The following DIS3L2 variants were observed in gnomAD, a reference collection of about 807,000 sequenced individuals.
The protein encoded by DIS3L2 is DIS3 like 3'-5' exoribonuclease 2, also known as DIS3-like exonuclease 2.
In DIS3L2, 34 loss-of-function variants were observed where a neutral mutation model predicts 97.5. The observed-to-expected ratio is 0.35, with a 90% CI of 0.27 to 0.46. The LOEUF is 0.46. Among genes scored for constraint, DIS3L2 ranks in the 20% least tolerant of loss-of-function variants. The pLI, the probability that DIS3L2 is intolerant of heterozygous loss-of-function variation, is 1.00. For missense variants in DIS3L2, 1,038 were observed against 1,146.0 expected (o/e 0.91, Z 1.36); for synonymous variants, 435 against 445.2 (o/e 0.98, Z 0.29).
downstream of DIS3L2, among the ~76,000 whole-genome samples, chr2:232,339,492 G>A (rs1318611491): frequency 6.6e-6 from 1 of 152,248 alleles, no homozygotes; most frequent in African/African-American, 2.4e-5. Flanking sequence ...CGAAAGTCAC[G>A]GGTGGGGATG....
At chr2:232,217,879 A>G (rs6720849) in intron 10 of DIS3L2, among the ~76,000 whole-genome samples, 2,077 of 152,266 alleles carry the variant, frequency 0.014, 52 homozygotes, top group African/African-American at 0.048. Context: ...TGAAGCATGG[A>G]CACCCATGTA....
Position 232,329,794 on chromosome 2 carries a change from T to TTCCCCCCC in DIS3L2, c.1740-19_1740-18insTCCCCCCC. 2 of 161,350 alleles carry TTCCCCCCC rather than the reference T, an allele frequency of 1.2e-5. No individual in the cohort carries two copies. The highest frequency in any genetic ancestry group is 1.6e-4 in the East Asian group (1 of 6,344). The allele number at this position is 161,350 out of a possible 1,614,324, so 10.0% of individuals were successfully genotyped here. A position where few individuals can be genotyped will look rare whatever the true frequency, so the allele number is the denominator to read the frequency against. ...CCCCAAACCCCAGCGGTCCCTCCCA[T>TTCCCCCCC]CCCACCCACCCTCTGCAGGCTCGTG... On this transcript the variant is annotated intron_variant, in intron 14 of 20. Transcript: ENST00000325385.
intron 13 of DIS3L2, among the ~76,000 whole-genome samples, chr2:232,297,301 C>T (rs1420433054): frequency 1.3e-5 from 2 of 152,240 alleles, no homozygotes; most frequent in African/African-American, 2.4e-5. Context: ...GTGCAGCCTG[C>T]CTTGCCAGCT....
intron 1 of DIS3L2, among the ~76,000 whole-genome samples, chr2:231,970,523 T>C (rs1197539126): frequency 1.3e-5 from 2 of 152,198 alleles, no homozygotes; most frequent in Non-Finnish European, 2.9e-5. Flanking sequence ...TTTATGTATC[T>C]AGATGTATCT....
chr2:232,332,727 G>A (rs931099754), intron 16 of DIS3L2, among the ~76,000 whole-genome samples: 21 of 152,190 alleles, frequency 1.4e-4, no homozygotes, highest in African/African-American at 2.4e-4. Context: ...TGTCAGAGAC[G>A]AGAAGGGCCG....
intron 1 of DIS3L2, among the ~76,000 whole-genome samples, chr2:231,970,869 C>CT (rs1350848582): frequency 1.3e-5 from 2 of 152,124 alleles, no homozygotes; most frequent in Non-Finnish European, 2.9e-5. Context: ...AACACAAACA[C>CT]ATTGTACAGC....
At chr2:232,326,467 C>T (rs1359154376) in intron 14 of DIS3L2, among the ~76,000 whole-genome samples, 6 of 152,186 alleles carry the variant, frequency 3.9e-5, no homozygotes, top group Non-Finnish European at 7.3e-5. Context: ...AGGGTGCCAC[C>T]GCCAGAGCCA....
intron 1 of DIS3L2, among the ~76,000 whole-genome samples, chr2:231,992,843 T>C (rs1693620895): frequency 6.6e-6 from 1 of 151,258 alleles, no homozygotes; most frequent in African/African-American, 2.5e-5. Flanking sequence ...AGTTTTCTCT[T>C]ATATCTCCCT....
At chr2:232,305,227 C>G (rs1694957556) in intron 14 of DIS3L2, among the ~76,000 whole-genome samples, 1 of 152,080 alleles carries the variant, frequency 6.6e-6, no homozygotes, top group African/African-American at 2.4e-5. Context: ...AGGCGCGCAC[C>G]ACCACGCAGG....
Position 232,318,426 on chromosome 2 carries a change from C to T in DIS3L2, c.1740-11387C>T, listed in dbSNP as rs563197259. On this transcript the variant is annotated intron_variant, in intron 14 of 20. Transcript: ENST00000325385. ...TGCTTGTCCAGCAAACATTATTGGA[C>T]GCCTATTAGTGCCAGGTACTGCACT... Among the ~76,000 whole-genome samples the T allele has an allele frequency of 5.9e-5, 9 of 152,328 alleles. No homozygotes were observed. In the East Asian group the frequency reaches 7.7e-4, roughly 13 times the overall value.
intron 11 of DIS3L2, among the ~76,000 whole-genome samples, 173 bp from the exon 12 acceptor site, chr2:232,249,066 C>T (rs1050734508): frequency 2.0e-5 from 3 of 152,200 alleles, no homozygotes; most frequent in Non-Finnish European, 4.4e-5. Flanking sequence ...ACTCTAGAGG[C>T]GCATGGAAAA....
In DIS3L2 at chr2:232,056,187, A is replaced by G. The variant is rs557818102; in HGVS notation, c.366+26107A>G. On this transcript the variant is annotated intron_variant, in intron 5 of 20. Transcript: ENST00000325385. ...GGAGTTGGAGACCAGCCTGGCCAAC[A>G]TGGTGAAACCCCGTTTCTACTAAAA... is the stretch of plus-strand genomic sequence containing the variant. Among the ~76,000 whole-genome samples the G allele has an allele frequency of 5.9e-5, 9 of 152,192 alleles. No individual in the cohort carries two copies. The South Asian group carries it at 1.9e-3, about 32-fold the overall frequency.
intron 14 of DIS3L2, among the ~76,000 whole-genome samples, chr2:232,312,326 A>G (rs1472665556): frequency 6.6e-6 from 1 of 152,216 alleles, no homozygotes; most frequent in Non-Finnish European, 1.5e-5. Context: ...TTATTTTTTC[A>G]TATGGGTATC....
Position 232,336,114 on chromosome 2 carries a change from G to A in DIS3L2, c.2496+240G>A, listed in dbSNP as rs200261050. ...AGAGAGGAGGGGCTCTGCCTGTCCC[G>A]CTAATGCAGGGGTGCTGGCCTTCTA... On this transcript the variant is annotated intron_variant, in intron 20 of 20. Transcript: ENST00000325385. The A allele has an allele frequency of 3.0e-4, 461 of 1,542,474 alleles. 5 individuals carry two copies. The Middle Eastern group carries it at 4.4e-3, about 15-fold the overall frequency.
At chr2:232,009,660 T>A (rs1055684100) in intron 1 of DIS3L2, among the ~76,000 whole-genome samples, 5 of 152,206 alleles carry the variant, frequency 3.3e-5, no homozygotes, top group Admixed American at 3.3e-4. Flanking sequence ...CTTTCTCCAT[T>A]TGCAAGGCCT....
At chr2:232,030,522 T>C (rs1042255424) in intron 5 of DIS3L2, among the ~76,000 whole-genome samples, 3 of 152,178 alleles carry the variant, frequency 2.0e-5, no homozygotes, top group African/African-American at 4.8e-5. Context: ...AGTTTGGTGA[T>C]TGGGTGCCTT....
intron 14 of DIS3L2, among the ~76,000 whole-genome samples, chr2:232,327,147 CAT>C (rs1695601157): frequency 6.6e-6 from 1 of 152,224 alleles, no homozygotes; most frequent in African/African-American, 2.4e-5. Context: ...TTCCTAAACC[CAT>C]AGAGGGTGGG....
At chr2:232,155,221 T>A (rs573138549) in intron 8 of DIS3L2, among the ~76,000 whole-genome samples, 25 of 57,282 alleles carry the variant, frequency 4.4e-4, no homozygotes, top group African/African-American at 8.1e-4. Flanking sequence ...CCATCTTGGC[T>A]CCTCCCCCCT....
At chr2:232,023,236 C>G (rs1384355875) in intron 3 of DIS3L2, 10 of 152,112 alleles carry the variant, frequency 6.6e-5, no homozygotes, top group Admixed American at 1.3e-4. Flanking sequence ...AGTCCATACT[C>G]AATAATTAAT....
Sources: allele counts gnomAD v4.1 joint callset (sites outside exome capture counted in the v4.1 genomes callset), GRCh38; gene constraint gnomAD v4.1.1; transcripts MANE v1.5; gene names NCBI Gene and HGNC (gene_info 2026-07-23, HGNC 2026-07-21).